ARK2C: variants seen among roughly 807,000 people sequenced by gnomAD.
ARK2C encodes E3 ubiquitin-protein ligase ARK2C.
chr18:46,361,389 T>C, the ARK2C span, among the ~76,000 whole-genome samples: 1 of 152,370 alleles, frequency 6.6e-6, no homozygotes, highest in African/African-American at 2.4e-5. Context: ...TATATATCTG[T>C]GTCGATCTGC....
At chr18:46,347,834 G>A in the ARK2C span, among the ~76,000 whole-genome samples, 3 of 152,140 alleles carry the variant, frequency 2.0e-5, no homozygotes, top group Admixed American at 6.5e-5. Flanking sequence ...CAAGTCCCCC[G>A]GCAGGGTGAT....
chr18:46,398,066 G>A, the ARK2C span, among the ~76,000 whole-genome samples: 4 of 148,878 alleles, frequency 2.7e-5, no homozygotes, highest in Admixed American at 2.7e-4. Flanking sequence ...GTGTGTGTGT[G>A]TGGTCATGCT....
the ARK2C span, among the ~76,000 whole-genome samples, chr18:46,391,350 A>G: frequency 3.9e-5 from 6 of 152,140 alleles, no homozygotes; most frequent in African/African-American, 1.2e-4. Context: ...AAATGGGACG[A>G]CATTACAGCT....
At chr18:46,388,358 T>C in the ARK2C span, among the ~76,000 whole-genome samples, 1 of 152,230 alleles carries the variant, frequency 6.6e-6, no homozygotes, top group South Asian at 2.1e-4. Context: ...TTTAACTTTT[T>C]CAACTTTATA....
the ARK2C span, among the ~76,000 whole-genome samples, chr18:46,394,259 G>A: frequency 6.6e-6 from 1 of 152,176 alleles, no homozygotes; most frequent in Non-Finnish European, 1.5e-5. Flanking sequence ...AATCCTTCTG[G>A]GGCAAAAGCG....
At chr18:46,374,215 G>GA in the ARK2C span, among the ~76,000 whole-genome samples, 15 of 151,868 alleles carry the variant, frequency 9.9e-5, no homozygotes, top group Non-Finnish European at 1.5e-4. Context: ...CACCAAAATA[G>GA]TTTTTTTTCA....
chr18:46,408,502 A>G, the ARK2C span, among the ~76,000 whole-genome samples: 3 of 152,162 alleles, frequency 2.0e-5, no homozygotes, highest in Non-Finnish European at 4.4e-5. Flanking sequence ...ATTAAAACCC[A>G]CCAGCAGAGG....
chr18:46,411,616 C>A, the ARK2C span, among the ~76,000 whole-genome samples: 3 of 152,212 alleles, frequency 2.0e-5, no homozygotes, highest in East Asian at 5.8e-4. Context: ...TTTCCTGTCC[C>A]CAGCTGTGAC....
At chr18:46,349,927 A>G in the ARK2C span, among the ~76,000 whole-genome samples, 2 of 152,142 alleles carry the variant, frequency 1.3e-5, no homozygotes, top group Admixed American at 6.5e-5. Context: ...ATTCATCCAC[A>G]GTTCACATAC....
At chr18:46,366,020 C>T in the ARK2C span, among the ~76,000 whole-genome samples, 256 of 152,032 alleles carry the variant, frequency 1.7e-3, 1 homozygote, top group African/African-American at 5.9e-3. Context: ...TGGCTGGGCG[C>T]GGTGGCTCAC....
chr18:46,354,452 C>T, the ARK2C span, among the ~76,000 whole-genome samples: 2 of 152,230 alleles, frequency 1.3e-5, no homozygotes, highest in Non-Finnish European at 2.9e-5. Flanking sequence ...ATGATCAGGG[C>T]CCATAGGCGC....
At chr18:46,384,814 C>T in the ARK2C span, among the ~76,000 whole-genome samples, 4 of 152,124 alleles carry the variant, frequency 2.6e-5, no homozygotes, top group East Asian at 1.9e-4. Context: ...GCCAGGAGTT[C>T]GAGACCAGCC....
chr18:46,413,425 G>A, the ARK2C span, among the ~76,000 whole-genome samples: 1 of 152,124 alleles, frequency 6.6e-6, no homozygotes, highest in African/African-American at 2.4e-5. Flanking sequence ...TTCTGAGTGG[G>A]ATAGGTGAGC....
At chr18:46,389,385 T>C in the ARK2C span, among the ~76,000 whole-genome samples, 1 of 152,236 alleles carries the variant, frequency 6.6e-6, no homozygotes, top group Non-Finnish European at 1.5e-5. Flanking sequence ...AAAGTCCCAC[T>C]GGACAGACTC....
the ARK2C span, among the ~76,000 whole-genome samples, chr18:46,376,664 C>T: frequency 1.9e-3 from 134 of 72,214 alleles, no homozygotes; most frequent in Admixed American, 3.0e-3. Flanking sequence ...GGTTAATAAT[C>T]TTTTTTTTTT....
At chr18:46,455,441 A>G in the ARK2C span, among the ~76,000 whole-genome samples, 1 of 152,204 alleles carries the variant, frequency 6.6e-6, no homozygotes, top group Non-Finnish European at 1.5e-5. Flanking sequence ...TAAGCTCTGT[A>G]TCCCTAGAAA....
the ARK2C span, among the ~76,000 whole-genome samples, chr18:46,357,230 A>G: frequency 3.9e-5 from 6 of 152,106 alleles, no homozygotes; most frequent in African/African-American, 1.4e-4. Context: ...CACCCTTGCT[A>G]CCCAGGTCTC....
the ARK2C span, among the ~76,000 whole-genome samples, chr18:46,422,172 T>A: frequency 6.6e-6 from 1 of 152,214 alleles, no homozygotes. Context: ...TTTCTTCATC[T>A]CTGATTTATC....
the ARK2C span, among the ~76,000 whole-genome samples, chr18:46,387,501 C>T: frequency 6.6e-6 from 1 of 152,210 alleles, no homozygotes; most frequent in Non-Finnish European, 1.5e-5. Flanking sequence ...AAACTTGTCC[C>T]AACTTTAGTG....
Sources: allele counts gnomAD v4.1 joint callset (sites outside exome capture counted in the v4.1 genomes callset), GRCh38; gene constraint gnomAD v4.1.1; transcripts MANE v1.5; gene names NCBI Gene and HGNC (gene_info 2026-07-23, HGNC 2026-07-21).